NALF1: variants seen among roughly 807,000 people sequenced by gnomAD.
The protein encoded by NALF1 is NALCN channel auxiliary factor 1, also known as family with sequence similarity 155 member A.
Under a neutral mutation model 48.4 loss-of-function variants are expected in NALF1, and 3 were observed. That is an observed-to-expected ratio of 0.06 (90% CI 0.03 to 0.16). The LOEUF is 0.16. Among genes scored for constraint, NALF1 ranks in the 10% least tolerant of loss-of-function variants. NALF1 has a pLI of 1.00. For synonymous variants in NALF1, 262 were observed against 245.7 expected, an observed-to-expected ratio of 1.07 and a Z score of -0.62; for missense variants, 526 against 571.5, an observed-to-expected ratio of 0.92 and a Z score of 0.81.
At chr13:107,174,923 G>A (rs1287361101) in intron 2 of NALF1, among the ~76,000 whole-genome samples, 2 of 150,268 alleles carry the variant, frequency 1.3e-5, no homozygotes, top group African/African-American at 2.5e-5. Context: ...TCGCTCTGTC[G>A]CCCAGGCTGG....
At chr13:107,495,177 A>G (rs1875287812) in intron 1 of NALF1, among the ~76,000 whole-genome samples, 1 of 152,206 alleles carries the variant, frequency 6.6e-6, no homozygotes, top group African/African-American at 2.4e-5. Flanking sequence ...AAATTTTGAC[A>G]ACAGATGTGT....
chr13:107,473,883 G>A (rs138470324), intron 1 of NALF1, among the ~76,000 whole-genome samples: 11 of 152,216 alleles, frequency 7.2e-5, no homozygotes, highest in East Asian at 3.9e-4. Context: ...TGATGACAGC[G>A]GGGCCCTACA....
intron 2 of NALF1, among the ~76,000 whole-genome samples, chr13:107,185,391 C>A (rs1371302844): frequency 1.4e-5 from 2 of 145,970 alleles, no homozygotes; most frequent in Non-Finnish European, 3.0e-5. Context: ...CACCCCCGCC[C>A]CTCCCTGCAT....
intron 1 of NALF1, among the ~76,000 whole-genome samples, chr13:107,317,438 C>T (rs1348379710): frequency 6.6e-6 from 1 of 152,006 alleles, no homozygotes; most frequent in Non-Finnish European, 1.5e-5. Context: ...AACAATTTTA[C>T]ATATGGGAGG....
intron 2 of NALF1, among the ~76,000 whole-genome samples, chr13:107,190,663 G>T (rs928047603): frequency 6.6e-6 from 1 of 152,034 alleles, no homozygotes; most frequent in African/African-American, 2.4e-5. Flanking sequence ...GAACAGATAA[G>T]AAAATCATTC....
intron 1 of NALF1, among the ~76,000 whole-genome samples, chr13:107,579,240 C>T (rs586959): frequency 0.21 from 32,622 of 152,046 alleles, 3,554 homozygotes; most frequent in Middle Eastern, 0.27. Context: ...TACAGGCACA[C>T]GCCACCACGC....
chr13:107,820,050 C>G (rs1879320926), intron 1 of NALF1, among the ~76,000 whole-genome samples: 1 of 152,090 alleles, frequency 6.6e-6, no homozygotes, highest in Admixed American at 6.5e-5. Context: ...TTTTTCATTA[C>G]CCAGCCCATT....
At chr13:107,573,667 C>A (rs1447349553) in intron 1 of NALF1, among the ~76,000 whole-genome samples, 1 of 150,258 alleles carries the variant, frequency 6.7e-6, no homozygotes, top group Admixed American at 6.7e-5. Context: ...GTAGCTCCCA[C>A]GATTCCCACA....
chr13:107,538,930 T>C (rs1386533817), intron 1 of NALF1, among the ~76,000 whole-genome samples: 4 of 152,118 alleles, frequency 2.6e-5, no homozygotes, highest in African/African-American at 4.8e-5. Flanking sequence ...TAGTACCCAT[T>C]CTTATTATAA....
intron 1 of NALF1, among the ~76,000 whole-genome samples, chr13:107,289,984 C>A (rs968847459): frequency 6.6e-6 from 1 of 152,102 alleles, no homozygotes; most frequent in African/African-American, 2.4e-5. Flanking sequence ...TTCAGGAGAA[C>A]AAGGGTGGCA....
At chr13:107,579,552 T>C (rs1878242879) in intron 1 of NALF1, among the ~76,000 whole-genome samples, 1 of 150,524 alleles carries the variant, frequency 6.6e-6, no homozygotes, top group Admixed American at 6.7e-5. Context: ...CTTGTGTCTC[T>C]TTCCTGCCTT....
intron 1 of NALF1, among the ~76,000 whole-genome samples, chr13:107,352,078 C>T (rs1882887136): frequency 1.3e-5 from 2 of 152,190 alleles, no homozygotes; most frequent in African/African-American, 4.8e-5. Context: ...AGGGTGAAGG[C>T]CTTACATTTA....
intron 1 of NALF1, among the ~76,000 whole-genome samples, chr13:107,216,920 A>G (rs1375590276): frequency 6.6e-6 from 1 of 152,222 alleles, no homozygotes; most frequent in Admixed American, 6.5e-5. Flanking sequence ...GCTTTCGCAA[A>G]TAGAGAATGT....
At chr13:107,813,945 A>G (rs1387690841) in intron 1 of NALF1, among the ~76,000 whole-genome samples, 1 of 152,180 alleles carries the variant, frequency 6.6e-6, no homozygotes, top group Admixed American at 6.6e-5. Flanking sequence ...ACATATAATC[A>G]ATGTAGGTAT....
chr13:107,552,621 C>T (rs984586020), intron 1 of NALF1, among the ~76,000 whole-genome samples: 2 of 152,114 alleles, frequency 1.3e-5, no homozygotes, highest in African/African-American at 4.8e-5. Flanking sequence ...ACGGAGTCCC[C>T]ACCTCAGTCT....
intron 1 of NALF1, among the ~76,000 whole-genome samples, chr13:107,689,512 T>C (rs1881518882): frequency 1.3e-5 from 2 of 152,198 alleles, no homozygotes; most frequent in South Asian, 4.1e-4. Flanking sequence ...CTTGGTTATA[T>C]GGACCTTGGC....
At chr13:107,413,595 C>T (rs1884031725) in intron 1 of NALF1, among the ~76,000 whole-genome samples, 1 of 151,978 alleles carries the variant, frequency 6.6e-6, no homozygotes, top group African/African-American at 2.4e-5. Flanking sequence ...ACTTATTTTT[C>T]TTCTTTTGTG....
chr13:107,538,349 C>T (rs940566528), intron 1 of NALF1, among the ~76,000 whole-genome samples: 15 of 152,024 alleles, frequency 9.9e-5, no homozygotes, highest in Non-Finnish European at 2.2e-4. Flanking sequence ...TCTTTTGAAT[C>T]CCCCCTTACC....
rs200502396 is a variant in NALF1 at position 107,439,221 on chromosome 13, CTG to C, written c.916-228468_916-228467del. On this transcript the variant is annotated intron_variant, in intron 1 of 2. Coordinates refer to ENST00000375915, the MANE Select transcript of NALF1 (RefSeq NM_001080396.3). ...ACAGAGAAAATATTTTTACCATACT[CTG>C]AGAACCTCAGTCCTCATACTTAGTG... Among the ~76,000 whole-genome samples, 18 of 152,302 alleles carry C rather than the reference CTG, an allele frequency of 1.2e-4. No individual in the cohort carries two copies. In the East Asian group the frequency reaches 3.1e-3, roughly 26 times the overall value.
Sources: allele counts gnomAD v4.1 joint callset (sites outside exome capture counted in the v4.1 genomes callset), GRCh38; gene constraint gnomAD v4.1.1; transcripts MANE v1.5; gene names NCBI Gene and HGNC (gene_info 2026-07-23, HGNC 2026-07-21).